The following CCDC192 variants were observed in gnomAD, a reference collection of about 807,000 sequenced individuals.
The protein encoded by CCDC192 is coiled-coil domain-containing protein 192.
intron 5 of CCDC192, among the ~76,000 whole-genome samples, chr5:127,801,597 T>A (rs1757510158): frequency 6.6e-6 from 1 of 152,222 alleles, no homozygotes; most frequent in Non-Finnish European, 1.5e-5. Flanking sequence ...TAAACTGGAA[T>A]ATCCTTCTCT....
chr5:127,733,149 T>C lies in CCDC192; in HGVS notation c.115-21119T>C, dbSNP rs139390745. On this transcript the variant is annotated intron_variant, in intron 2 of 6. Coordinates refer to ENST00000514853, the MANE Select transcript of CCDC192 (RefSeq NM_001317938.2). ...TGAATTTTTGCTCTTAGTTTATGCA[T>C]AACTATGTGCATTTTCTAACAAGGA... is the stretch of plus-strand genomic sequence containing the variant. 9.2e-5 allele frequency among the ~76,000 whole-genome samples: 14 copies of C among 152,282 alleles called. No homozygotes were observed. The East Asian group carries it at 2.7e-3, about 29-fold the overall frequency.
chr5:127,879,418 C>T (rs1389585673), intron 6 of CCDC192, among the ~76,000 whole-genome samples: 5 of 124,446 alleles, frequency 4.0e-5, no homozygotes, highest in African/African-American at 3.1e-5. Context: ...CTTCCTTACA[C>T]CTTATACAAA....
chr5:127,715,026 G>A (rs1330659051), intron 2 of CCDC192, among the ~76,000 whole-genome samples: 1 of 151,380 alleles, frequency 6.6e-6, no homozygotes, highest in Non-Finnish European at 1.5e-5. Context: ...GGTTATTAAC[G>A]CCTTGTCAGA....
chr5:127,839,890 G>GA (rs1234264396), intron 5 of CCDC192, among the ~76,000 whole-genome samples: 18 of 151,208 alleles, frequency 1.2e-4, no homozygotes, highest in Admixed American at 1.1e-3. Flanking sequence ...TCAGAGATTT[G>GA]AAAAAAAATG....
rs187020737 is a variant in CCDC192, at chr5:127,733,828, C to A, written c.115-20440C>A. On this transcript the variant is annotated intron_variant, in intron 2 of 6. Transcript: ENST00000514853. ...GGCACCTTTTTCATTTCATTCTCAT[C>A]CACATTGAAGTTTCTTTTTTTTTTT... 5.3e-5 allele frequency among the ~76,000 whole-genome samples: 8 copies of A among 150,704 alleles called. No homozygotes were observed. In the Admixed American group the frequency reaches 5.3e-4, roughly 10 times the overall value.
At chr5:127,704,450 A>T (rs1230621556) in intron 1 of CCDC192, among the ~76,000 whole-genome samples, 1 of 152,190 alleles carries the variant, frequency 6.6e-6, no homozygotes, top group Non-Finnish European at 1.5e-5. Context: ...GGCCTCCCAA[A>T]GTGCTGGGAT....
At chr5:127,799,859 A>G (rs891337918) in intron 5 of CCDC192, among the ~76,000 whole-genome samples, 2 of 152,196 alleles carry the variant, frequency 1.3e-5, no homozygotes, top group East Asian at 1.9e-4. Context: ...ACAACAGTGT[A>G]TTCATGAAAG....
At chr5:127,777,409 A>G (rs1446178854) in intron 3 of CCDC192, among the ~76,000 whole-genome samples, 1 of 152,194 alleles carries the variant, frequency 6.6e-6, no homozygotes, top group Non-Finnish European at 1.5e-5. Context: ...GTATCTAGGA[A>G]GTAACTAACT....
chr5:127,730,536 T>A (rs561562948), intron 2 of CCDC192, among the ~76,000 whole-genome samples: 1 of 152,218 alleles, frequency 6.6e-6, no homozygotes, highest in African/African-American at 2.4e-5. Flanking sequence ...GCCAACATTA[T>A]CCTGATACCA....
intron 2 of CCDC192, among the ~76,000 whole-genome samples, chr5:127,720,274 C>T (rs1751944243): frequency 6.6e-6 from 1 of 152,154 alleles, no homozygotes; most frequent in Non-Finnish European, 1.5e-5. Flanking sequence ...TCAGCCCAAA[C>T]AAAGGGGCTA....
intron 5 of CCDC192, among the ~76,000 whole-genome samples, chr5:127,831,669 G>C (rs1749803747): frequency 6.6e-6 from 1 of 152,012 alleles, no homozygotes. Context: ...AATCTCTAAT[G>C]ATAGAAATTC....
intron 2 of CCDC192, among the ~76,000 whole-genome samples, chr5:127,745,630 G>C (rs1298581083): frequency 2.0e-5 from 3 of 152,126 alleles, no homozygotes; most frequent in Non-Finnish European, 2.9e-5. Flanking sequence ...AATTAACAAA[G>C]AGAATTTTTA....
chr5:127,734,363 T>C (rs963050668), intron 2 of CCDC192, among the ~76,000 whole-genome samples: 1 of 152,004 alleles, frequency 6.6e-6, no homozygotes, highest in African/African-American at 2.4e-5. Context: ...TCTTTGCTAT[T>C]GGGAATAATG....
At chr5:127,893,021 C>G (rs886483627) in intron 6 of CCDC192, among the ~76,000 whole-genome samples, 1 of 152,118 alleles carries the variant, frequency 6.6e-6, no homozygotes, top group African/African-American at 2.4e-5. Flanking sequence ...CTGAAAACAT[C>G]CAAAGGGGGT....
At chr5:127,797,930 A>G (rs758253169) in intron 4 of CCDC192, among the ~76,000 whole-genome samples, 176 bp from the exon 5 acceptor site, 7 of 151,702 alleles carry the variant, frequency 4.6e-5, no homozygotes, top group Non-Finnish European at 8.8e-5. Flanking sequence ...CTTTCATAGA[A>G]TGGAAGAGAA....
chr5:127,791,529 TTC>T (rs897949488), intron 3 of CCDC192, among the ~76,000 whole-genome samples: 9 of 152,198 alleles, frequency 5.9e-5, no homozygotes, highest in African/African-American at 2.2e-4. Context: ...GCAGGACACT[TTC>T]AGCTTCCAGA....
At chr5:127,788,083 GAA>G (rs60238996) in intron 3 of CCDC192, among the ~76,000 whole-genome samples, 3 of 94,648 alleles carry the variant, frequency 3.2e-5, no homozygotes, top group East Asian at 3.0e-4. Context: ...CTTCACCTCA[GAA>G]AAAAAAAAAA....
chr5:127,890,346 G>T (rs918501116), intron 6 of CCDC192, among the ~76,000 whole-genome samples: 3 of 151,670 alleles, frequency 2.0e-5, no homozygotes, highest in Non-Finnish European at 2.9e-5. Flanking sequence ...GACTTTCCCA[G>T]TTGCTCCTGT....
intron 5 of CCDC192, among the ~76,000 whole-genome samples, chr5:127,828,355 A>G (rs528787414): frequency 2.0e-5 from 3 of 152,350 alleles, no homozygotes; most frequent in East Asian, 1.9e-4. Flanking sequence ...AACCCTAGGG[A>G]AAAATGCATC....
Sources: allele counts gnomAD v4.1 joint callset (sites outside exome capture counted in the v4.1 genomes callset), GRCh38; gene constraint gnomAD v4.1.1; transcripts MANE v1.5; gene names NCBI Gene and HGNC (gene_info 2026-07-23, HGNC 2026-07-21).